Variants in SMYD3 observed in about 807,000 individuals in gnomAD.
SMYD3 encodes SET and MYND domain containing 3.
SMYD3 carries 36 observed loss-of-function variants against 57.7 expected under a neutral mutation model. The observed-to-expected ratio is 0.62, with a 90% CI of 0.48 to 0.82. The LOEUF is 0.82. Ranked by LOEUF, SMYD3 falls within the 40% of genes least tolerant of loss-of-function variation. The pLI is 0.00. For missense variants in SMYD3, 515 were observed against 538.8 expected (o/e 0.96, Z 0.44); for synonymous variants, 211 against 195.0 (o/e 1.08, Z -0.68).
At chr1:246,443,126 A>G (rs1265480299) in intron 1 of SMYD3, among the ~76,000 whole-genome samples, 1 of 152,170 alleles carries the variant, frequency 6.6e-6, no homozygotes, top group Non-Finnish European at 1.5e-5. Flanking sequence ...ATTAAGTAAC[A>G]TTTTGGTTCA....
intron 5 of SMYD3, among the ~76,000 whole-genome samples, chr1:246,014,084 A>G (rs950332677): frequency 6.6e-6 from 1 of 152,204 alleles, no homozygotes; most frequent in Non-Finnish European, 1.5e-5. Flanking sequence ...CAACACTTTG[A>G]GAGGCCATGG....
At chr1:246,088,085 C>A (rs1232079955) in intron 5 of SMYD3, among the ~76,000 whole-genome samples, 1 of 152,162 alleles carries the variant, frequency 6.6e-6, no homozygotes, top group Non-Finnish European at 1.5e-5. Flanking sequence ...ATTGGTTTAA[C>A]TTCTGAAACC....
chr1:246,414,468 T>C (rs1362875102), intron 1 of SMYD3, among the ~76,000 whole-genome samples: 1 of 152,112 alleles, frequency 6.6e-6, no homozygotes, highest in Admixed American at 6.5e-5. Context: ...TCTACAAGGT[T>C]AAGGTTTGAG....
chr1:245,863,612 C>T (rs1009437028), intron 9 of SMYD3, among the ~76,000 whole-genome samples, 187 bp downstream of exon 9: 8 of 152,160 alleles, frequency 5.3e-5, no homozygotes, highest in Non-Finnish European at 1.2e-4. Context: ...GATTTTGCCA[C>T]GAACTTCCTT....
At chr1:246,498,019 A>G (rs968316275) in intron 1 of SMYD3, among the ~76,000 whole-genome samples, 2 of 152,222 alleles carry the variant, frequency 1.3e-5, no homozygotes, top group African/African-American at 4.8e-5. Context: ...TTAAAACTAT[A>G]CTAAGATCCC....
intron 10 of SMYD3, among the ~76,000 whole-genome samples, chr1:245,783,675 A>G (rs1160871999): frequency 6.6e-6 from 1 of 152,236 alleles, no homozygotes; most frequent in Non-Finnish European, 1.5e-5. Context: ...TTCTAGATCT[A>G]ATAAGTGAAT....
At chr1:246,168,083 C>A (rs1229541724) in intron 5 of SMYD3, among the ~76,000 whole-genome samples, 3 of 152,168 alleles carry the variant, frequency 2.0e-5, no homozygotes, top group Admixed American at 6.5e-5. Flanking sequence ...TGTCCTGCAA[C>A]TTAGTCACTA....
chr1:246,002,136 G>A (rs1271010719), intron 5 of SMYD3, among the ~76,000 whole-genome samples: 3 of 152,090 alleles, frequency 2.0e-5, no homozygotes, highest in African/African-American at 7.2e-5. Flanking sequence ...AGAAGCGCAT[G>A]CCAGTTGTGA....
intron 5 of SMYD3, among the ~76,000 whole-genome samples, chr1:246,027,944 C>A (rs2059605286): frequency 1.3e-5 from 2 of 152,138 alleles, no homozygotes; most frequent in Admixed American, 1.3e-4. Context: ...AGAAGGAGAT[C>A]AAAATATCAA....
At chr1:246,460,141 A>G (rs959961215) in intron 1 of SMYD3, among the ~76,000 whole-genome samples, 2 of 152,134 alleles carry the variant, frequency 1.3e-5, no homozygotes, top group African/African-American at 4.8e-5. Context: ...AAACAAACAA[A>G]TTTCATACCA....
chr1:246,074,070 G>T (rs1346094046), intron 5 of SMYD3, among the ~76,000 whole-genome samples: 1 of 152,098 alleles, frequency 6.6e-6, no homozygotes, highest in Non-Finnish European at 1.5e-5. Context: ...TGTGATTTTT[G>T]TTCTTTTAGC....
intron 10 of SMYD3, among the ~76,000 whole-genome samples, chr1:245,792,993 CTT>C (rs1181143428): frequency 6.6e-6 from 1 of 152,168 alleles, no homozygotes; most frequent in Non-Finnish European, 1.5e-5. Context: ...CCTCCTGCCC[CTT>C]ACTGCATTTC....
chr1:246,358,985 T>C (rs888258282), intron 1 of SMYD3, among the ~76,000 whole-genome samples: 3 of 147,904 alleles, frequency 2.0e-5, no homozygotes, highest in Non-Finnish European at 4.5e-5. Flanking sequence ...CTAAATGAAA[T>C]TGAAACAAAC....
intron 1 of SMYD3, among the ~76,000 whole-genome samples, chr1:246,362,100 A>G (rs2065997316): frequency 6.6e-6 from 1 of 152,206 alleles, no homozygotes; most frequent in South Asian, 2.1e-4. Flanking sequence ...GAATATACGT[A>G]ACATAAAATT....
At chr1:245,952,642 T>C (rs1167104839) in intron 5 of SMYD3, among the ~76,000 whole-genome samples, 1 of 152,184 alleles carries the variant, frequency 6.6e-6, no homozygotes, top group African/African-American at 2.4e-5. Context: ...GCTCCCCAAA[T>C]GCTCCTGTTA....
intron 5 of SMYD3, among the ~76,000 whole-genome samples, chr1:246,273,166 G>GT (rs1164524209): frequency 1.8e-5 from 1 of 55,054 alleles, no homozygotes; most frequent in Non-Finnish European, 3.3e-5. Flanking sequence ...TTTTTTGGGG[G>GT]GGGGACAGAG....
intron 9 of SMYD3, 22 bp downstream of exon 9, chr1:245,863,777 C>A: frequency 6.2e-7 from 1 of 1,608,306 alleles, no homozygotes; most frequent in South Asian, 1.1e-5. Flanking sequence ...CAGTCCACCT[C>A]AATCCACAGG....
At chr1:246,487,316 G>A (rs1231314746) in intron 1 of SMYD3, among the ~76,000 whole-genome samples, 2 of 151,970 alleles carry the variant, frequency 1.3e-5, no homozygotes, top group African/African-American at 2.4e-5. Context: ...GCATGGTGGT[G>A]CGCACCTGTA....
At chr1:245,862,395 C>T (rs2051598230) in intron 9 of SMYD3, among the ~76,000 whole-genome samples, 10 of 152,220 alleles carry the variant, frequency 6.6e-5, no homozygotes, top group Admixed American at 5.2e-4. Flanking sequence ...TGCATATTTA[C>T]ATATTTGAAC....
Sources: gnomAD v4.1 joint callset for allele counts (sites outside exome capture counted in the v4.1 genomes callset) on GRCh38, gnomAD v4.1.1 for gene constraint, MANE v1.5 for transcripts, NCBI Gene and HGNC (gene_info 2026-07-23, HGNC 2026-07-21) for gene names.